Variants in ACSL5 observed in about 807,000 individuals in gnomAD.
ACSL5 encodes acyl-CoA synthetase long chain family member 5.
Under a neutral mutation model 84.9 loss-of-function variants are expected in ACSL5, and 50 were observed. That is an observed-to-expected ratio of 0.59 (90% CI 0.47 to 0.75). ACSL5 has a LOEUF of 0.75. ACSL5 is among the 30% of genes least tolerant of loss of function. The pLI is 0.00. For synonymous variants in ACSL5, 280 were observed against 300.7 expected (o/e 0.93, Z 0.71); for missense variants, 775 against 830.4 (o/e 0.93, Z 0.82).
At chr10:112,421,192 T>TCTC (rs1844454265) in intron 14 of ACSL5, among the ~76,000 whole-genome samples, 1 of 152,206 alleles carries the variant, frequency 6.6e-6, no homozygotes, top group African/African-American at 2.4e-5. Context: ...GGAGTCTCGC[T>TCTC]CTGTCACCCA....
intron 3 of ACSL5, among the ~76,000 whole-genome samples, chr10:112,401,786 C>CTTTCTTTCTT (rs1554862684): frequency 8.4e-6 from 1 of 119,394 alleles, no homozygotes; most frequent in African/African-American, 3.6e-5. Context: ...TTCTTTCTTT[C>CTTTCTTTCTT]TCTTTCTTTC....
chr10:112,418,092 T>G, intron 14 of ACSL5, 151 bp downstream of exon 14: 6 of 634,230 alleles, frequency 9.5e-6, no homozygotes, highest in East Asian at 2.9e-5. Context: ...TAACCATCTC[T>G]TCAGGCATCT....
At chr10:112,426,109 A>G in intron 18 of ACSL5, 149 bp from the exon 19 acceptor site, 1 of 603,260 alleles carries the variant, frequency 1.7e-6, no homozygotes, top group East Asian at 3.0e-5. Context: ...GGTGTTGAAA[A>G]TATATGGTGA....
intron 1 of ACSL5, chr10:112,376,465 G>A (rs993340712): frequency 1.9e-6 from 3 of 1,614,008 alleles, no homozygotes; most frequent in African/African-American, 1.3e-5. Context: ...GGACCATCGA[G>A]GGGGTGTTAT....
chr10:112,426,490 G>A, intron 19 of ACSL5, 131 bp downstream of exon 19: 3 of 705,992 alleles, frequency 4.2e-6, no homozygotes, highest in East Asian at 2.6e-5. Context: ...TGGGACTCGG[G>A]GATAGGATGG....
rs1178224793 is a variant in ACSL5 at position 112,401,786 on chromosome 10, CTCTTTCTTTCTTTCTTTCTTTCTTTCTT to C, written c.266-2696_266-2669del. Among the ~76,000 whole-genome samples, 3 of 119,394 alleles carry C rather than the reference CTCTTTCTTTCTTTCTTTCTTTCTTTCTT, an allele frequency of 2.5e-5. 1 individual carries two copies. The highest frequency in any genetic ancestry group is 1.1e-4 in the African/African-American group (3 of 28,068). 78.3% of individuals were successfully genotyped at this position (119,394 alleles called of 152,430 possible). On this transcript the variant is annotated intron_variant, in intron 3 of 20. Coordinates refer to ENST00000354655, the MANE Select transcript of ACSL5 (RefSeq NM_203379.2). ...TTTCTTTCTTTCTTTTTCTTTCTTTCTCTTTCTTTCTTTCTTTCTTTCTTTCTTTCTTTCTTTCTTTCTTTCTTTCTTT... is the reference window on the plus strand; with the variant it reads ...TTTCTTTCTTTCTTTTTCTTTCTTTCTCTTTCTTTCTTTCTTTCTTTCTTT...
In ACSL5 at chr10:112,410,182, GATTT is replaced by G. The variant is rs1296805618; in HGVS notation, c.712-279_712-276del. 3.5e-6 allele frequency: 5 copies of G among 1,435,106 alleles called. No individual in the cohort carries two copies. In the African/African-American group the frequency reaches 7.1e-5, roughly 21 times the overall value. The allele number at this position is 1,435,106 out of a possible 1,614,324, so 88.9% of individuals were successfully genotyped here. Reference sequence around the variant, plus strand: ...TTAGCTATTCATTTCTTTCAAAAAAGATTTAGTTAGGGCCCTAGATGACTGAAAC... The same window carrying G: ...TTAGCTATTCATTTCTTTCAAAAAAGAGTTAGGGCCCTAGATGACTGAAAC... On this transcript the variant is annotated intron_variant, in intron 7 of 20. Coordinates refer to ENST00000354655, the MANE Select transcript of ACSL5 (RefSeq NM_203379.2).
At chr10:112,415,499 G>T (rs990674770) in intron 12 of ACSL5, among the ~76,000 whole-genome samples, 5 of 152,196 alleles carry the variant, frequency 3.3e-5, no homozygotes, top group Non-Finnish European at 5.9e-5. Context: ...TCAGTGACTT[G>T]TTGAGGGAGG....
intron 13 of ACSL5, among the ~76,000 whole-genome samples, chr10:112,417,363 C>T (rs889187153): frequency 4.0e-5 from 6 of 151,698 alleles, no homozygotes; most frequent in African/African-American, 7.3e-5. Context: ...ATTAGCCGGG[C>T]GTGGTGGTGG....
chr10:112,428,282 C>A lies in ACSL5; in HGVS notation c.*924C>A. On this transcript the variant is annotated 3_prime_UTR_variant, in exon 21 of 21. Transcript: ENST00000354655. Reference sequence around the variant, plus strand: ...GAAGGAACCAACTGATCTCCCCCACCCTTGGATTAGAGTTCCTGCTCTACC... The same window carrying A: ...GAAGGAACCAACTGATCTCCCCCACACTTGGATTAGAGTTCCTGCTCTACC... The A allele has an allele frequency of 2.6e-6, 1 of 390,960 alleles. No individual in the cohort carries two copies. The highest frequency in any genetic ancestry group is 4.5e-6 in the Non-Finnish European group (1 of 221,532). The allele number at this position is 390,960 out of a possible 1,614,324, so 24.2% of individuals were successfully genotyped here. A position where few individuals can be genotyped will look rare whatever the true frequency, so the allele number is the denominator to read the frequency against.
At chr10:112,425,524 A>G in intron 18 of ACSL5, 43 bp downstream of exon 18, 2 of 1,502,320 alleles carry the variant, frequency 1.3e-6, no homozygotes, top group South Asian at 2.7e-5. Context: ...GTCACAAACC[A>G]TGCTGGTTCT....
intron 1 of ACSL5, among the ~76,000 whole-genome samples, chr10:112,385,868 A>G (rs1446957208): frequency 1.2e-4 from 18 of 152,140 alleles, no homozygotes; most frequent in Non-Finnish European, 1.5e-5. Context: ...AGTCTTCCCC[A>G]TGCCAAATTA....
chr10:112,395,535 T>A (rs1287421649), intron 2 of ACSL5, among the ~76,000 whole-genome samples: 2 of 152,212 alleles, frequency 1.3e-5, no homozygotes, highest in Non-Finnish European at 2.9e-5. Flanking sequence ...GGGGACAGGA[T>A]GACATTTTCA....
chr10:112,421,455 C>T (rs1844462936), intron 14 of ACSL5, 138 bp from the exon 15 acceptor site: 2 of 707,916 alleles, frequency 2.8e-6, no homozygotes. Context: ...GCCACCGCCC[C>T]CTCCAAGTTC....
At chr10:112,386,181 C>CTTTTTTTTTTT (rs11286757) in intron 1 of ACSL5, among the ~76,000 whole-genome samples, 4 of 71,794 alleles carry the variant, frequency 5.6e-5, no homozygotes, top group Admixed American at 2.0e-4. Context: ...TCCTATAGCT[C>CTTTTTTTTTTT]TTTTTTTTTT....
rs186459700 is a variant in ACSL5, at chr10:112,424,635, G to C, written c.1594-703G>C. 2.6e-5 allele frequency: 4 copies of C among 152,276 alleles called. No individual in the cohort carries two copies. The East Asian group carries it at 7.7e-4, about 29-fold the overall frequency. 9.4% of individuals were successfully genotyped at this position (152,276 alleles called of 1,614,324 possible). ...GAATTGATGGCTAATTTATCAAGTC[G>C]GCCTTGTGATAGTTCCAGTGTTGGT... On this transcript the variant is annotated intron_variant, in intron 17 of 20. Transcript: ENST00000354655.
At chr10:112,396,676 T>C (rs564962504) in intron 2 of ACSL5, among the ~76,000 whole-genome samples, 1 of 152,082 alleles carries the variant, frequency 6.6e-6, no homozygotes, top group African/African-American at 2.4e-5. Flanking sequence ...TTCATGCATG[T>C]TTTCTCCCTT....
At chr10:112,417,785 A>G in intron 13 of ACSL5, 61 bp from the exon 14 acceptor site, 4 of 1,364,514 alleles carry the variant, frequency 2.9e-6, no homozygotes, top group Non-Finnish European at 4.2e-6. Context: ...CCCACTCTAC[A>G]GTGGAGGAAA....
chr10:112,384,973 C>T (rs546876352), intron 1 of ACSL5, among the ~76,000 whole-genome samples: 17 of 152,196 alleles, frequency 1.1e-4, no homozygotes, highest in East Asian at 7.7e-4. Flanking sequence ...ACCTACAGAT[C>T]GACTTTCTTT....
Sources: gnomAD v4.1 joint callset for allele counts (sites outside exome capture counted in the v4.1 genomes callset) on GRCh38, gnomAD v4.1.1 for gene constraint, MANE v1.5 for transcripts, NCBI Gene and HGNC (gene_info 2026-07-23, HGNC 2026-07-21) for gene names.